Variants in BMPR1B observed in about 807,000 individuals in gnomAD.
BMPR1B encodes bone morphogenetic protein receptor type-1B.
Under a neutral mutation model 59.1 loss-of-function variants are expected in BMPR1B, and 12 were observed. The ratio of observed to expected loss-of-function variants is 0.20; its 90% CI spans 0.13 to 0.33. The LOEUF is 0.33. Ranked by LOEUF, BMPR1B falls within the 10% of genes least tolerant of loss-of-function variation. The pLI is 1.00. For missense variants in BMPR1B, 550 were observed against 610.9 expected (o/e 0.90, Z 1.05); for synonymous variants, 237 against 207.3 (o/e 1.14, Z -1.23).
intron 3 of BMPR1B, among the ~76,000 whole-genome samples, chr4:95,049,282 T>TA (rs916943595): frequency 2.0e-5 from 3 of 151,850 alleles, no homozygotes; most frequent in Non-Finnish European, 4.4e-5. Context: ...CCCAGCTAAT[T>TA]AAAAAAAATT....
intron 3 of BMPR1B, among the ~76,000 whole-genome samples, chr4:95,026,666 A>C (rs894790564): frequency 2.0e-5 from 3 of 151,522 alleles, no homozygotes; most frequent in Non-Finnish European, 2.9e-5. Context: ...CTTTTAAAGA[A>C]ATGAAAGGAA....
At chr4:94,791,460 G>A (rs979574489) in intron 1 of BMPR1B, among the ~76,000 whole-genome samples, 5 of 151,990 alleles carry the variant, frequency 3.3e-5, no homozygotes, top group African/African-American at 4.8e-5. Flanking sequence ...AAATACATAA[G>A]GAAAAGTTAT....
intron 3 of BMPR1B, among the ~76,000 whole-genome samples, chr4:95,102,057 T>TATA (rs1283975038): frequency 2.0e-5 from 3 of 152,342 alleles, no homozygotes; most frequent in African/African-American, 7.2e-5. Context: ...TTTTAATGGC[T>TATA]ATATAGGAAT....
At chr4:94,958,734 A>G (rs1040771454) in intron 2 of BMPR1B, among the ~76,000 whole-genome samples, 1 of 152,118 alleles carries the variant, frequency 6.6e-6, no homozygotes, top group Non-Finnish European at 1.5e-5. Flanking sequence ...TTGTTTGGAA[A>G]TGTGTATTTC....
At chr4:94,759,625 C>T (rs557434741) in intron 1 of BMPR1B, among the ~76,000 whole-genome samples, 14 of 152,204 alleles carry the variant, frequency 9.2e-5, no homozygotes, top group African/African-American at 3.1e-4. Flanking sequence ...TACTTTATAC[C>T]CCTTTACACT....
chr4:95,110,587 G>T (rs1355958050), intron 4 of BMPR1B, among the ~76,000 whole-genome samples: 1 of 152,114 alleles, frequency 6.6e-6, no homozygotes, highest in East Asian at 1.9e-4. Context: ...AAGATGATAG[G>T]GGAAAAGAAG....
At chr4:95,124,813 GT>G (rs1463536089) in intron 7 of BMPR1B, among the ~76,000 whole-genome samples, 169 bp from the exon 8 acceptor site, 2 of 152,114 alleles carry the variant, frequency 1.3e-5, no homozygotes, top group African/African-American at 2.4e-5. Flanking sequence ...TAGCCAAACA[GT>G]AATGAGTTTT....
At chr4:94,853,422 T>G (rs796123979) in intron 1 of BMPR1B, among the ~76,000 whole-genome samples, 1 of 152,176 alleles carries the variant, frequency 6.6e-6, no homozygotes, top group South Asian at 2.1e-4. Context: ...CAAATTAAAA[T>G]TTTTGATCAA....
At position 94,930,859 on chromosome 4, in the gene BMPR1B, A is replaced by G. The variant is rs148216719; in HGVS notation, c.-113+54959A>G. Among the ~76,000 whole-genome samples the G allele has an allele frequency of 7.4e-3, 1,121 of 152,234 alleles. 16 individuals carry two copies. The highest frequency in any genetic ancestry group is 0.026 in the African/African-American group (1,074 of 41,544). On this transcript the variant is annotated intron_variant, in intron 2 of 12. Coordinates refer to ENST00000515059, the MANE Select transcript of BMPR1B (RefSeq NM_001203.3). ...CCATGTTTCTTTGAAATGAGGCCTT[A>G]TTGTGACACTAAAAATATCCAGAGC...
intron 3 of BMPR1B, among the ~76,000 whole-genome samples, chr4:95,006,020 C>T (rs1254329187): frequency 2.0e-5 from 3 of 152,174 alleles, no homozygotes. Context: ...AGCCTCTAAT[C>T]TCAGCACTTT....
rs377571475 is a variant in BMPR1B at position 94,781,076 on chromosome 4, T to A, written c.-183+23008T>A. 2.4e-4 allele frequency among the ~76,000 whole-genome samples: 37 copies of A among 152,320 alleles called. 1 individual carries two copies. The highest frequency in any genetic ancestry group is 7.7e-4 in the African/African-American group (32 of 41,580). On this transcript the variant is annotated intron_variant, in intron 1 of 12. Transcript: ENST00000515059. ...TGATTTGCATCTTTCTGATGGCTAA[T>A]GATATCAAGCATGTTTTCATGTGCT...
intron 2 of BMPR1B, among the ~76,000 whole-genome samples, chr4:94,934,378 A>T (rs1729205990): frequency 6.7e-6 from 1 of 150,256 alleles, no homozygotes; most frequent in South Asian, 2.1e-4. Flanking sequence ...TCTCCTTTTT[A>T]TGTATACACC....
chr4:95,033,629 G>A (rs1725036510), intron 3 of BMPR1B, among the ~76,000 whole-genome samples: 1 of 152,126 alleles, frequency 6.6e-6, no homozygotes, highest in Non-Finnish European at 1.5e-5. Context: ...GGAAATGAGG[G>A]AATGGCCTAA....
intron 1 of BMPR1B, among the ~76,000 whole-genome samples, chr4:94,831,700 C>T (rs889034687): frequency 6.6e-6 from 1 of 152,176 alleles, no homozygotes; most frequent in Non-Finnish European, 1.5e-5. Flanking sequence ...CCCCAGCCCC[C>T]AGTCTGGGGC....
chr4:94,767,918 A>G lies in BMPR1B; in HGVS notation c.-183+9850A>G, dbSNP rs549252862. Among the ~76,000 whole-genome samples the G allele has an allele frequency of 2.0e-5, 3 of 152,236 alleles. No individual in the cohort carries two copies. In the East Asian group the frequency reaches 5.8e-4, roughly 29 times the overall value. On this transcript the variant is annotated intron_variant, in intron 1 of 12. Coordinates refer to ENST00000515059, the MANE Select transcript of BMPR1B (RefSeq NM_001203.3). The stretch of plus-strand genomic sequence containing the variant: ...CTTCTTAATTCGATAACATAATAAA[A>G]TTATTTAAATTTTATCATTTCACCA...
intron 1 of BMPR1B, among the ~76,000 whole-genome samples, chr4:94,762,105 A>G (rs952970301): frequency 4.6e-5 from 7 of 152,238 alleles, no homozygotes; most frequent in African/African-American, 1.2e-4. Flanking sequence ...ACATCAGGCA[A>G]TAATTTGTTT....
intron 9 of BMPR1B, among the ~76,000 whole-genome samples, chr4:95,130,423 T>C (rs949370192): frequency 6.6e-6 from 1 of 152,150 alleles, no homozygotes; most frequent in Non-Finnish European, 1.5e-5. Context: ...TTTATATCAA[T>C]AGTTTATATT....
At chr4:94,854,128 AT>A (rs925497890) in intron 1 of BMPR1B, among the ~76,000 whole-genome samples, 1 of 136,994 alleles carries the variant, frequency 7.3e-6, no homozygotes, top group Non-Finnish European at 1.6e-5. Flanking sequence ...GAAGCTCTCT[AT>A]TCCTTCTAGC....
intron 3 of BMPR1B, among the ~76,000 whole-genome samples, chr4:95,026,142 C>CTTTCTTTCTTTCTTTCTTTCTTTCTT (rs1560603073): frequency 6.8e-6 from 1 of 146,832 alleles, no homozygotes; most frequent in East Asian, 2.0e-4. Context: ...TTCTTTCTTT[C>CTTTCTTTCTTTCTTTCTTTCTTTCTT]TTTCTTTCTT....
Sources: allele counts gnomAD v4.1 joint callset (sites outside exome capture counted in the v4.1 genomes callset), GRCh38; gene constraint gnomAD v4.1.1; transcripts MANE v1.5; gene names NCBI Gene and HGNC (gene_info 2026-07-23, HGNC 2026-07-21).